The following HCN1 variants were observed in gnomAD, a reference collection of about 807,000 sequenced individuals.
HCN1 encodes the protein hyperpolarization activated cyclic nucleotide gated potassium channel 1.
In HCN1, 13 loss-of-function variants were observed where a neutral mutation model predicts 78.9. The ratio of observed to expected loss-of-function variants is 0.16; its 90% confidence interval spans 0.11 to 0.26. The LOEUF (loss-of-function observed/expected upper bound fraction) is 0.26. Ranked by LOEUF, HCN1 falls within the 10% of genes least tolerant of loss-of-function variation. The pLI, the probability that HCN1 is intolerant of heterozygous loss-of-function variation, is 1.00. For synonymous variants in HCN1, 552 were observed against 455.5 expected (o/e 1.21, Z -2.70); for missense variants, 810 against 1,154.3 (o/e 0.70, Z 4.32).
chr5:45,576,534 C>T (rs1454230818), intron 2 of HCN1: 1 of 152,074 alleles, frequency 6.6e-6, no homozygotes, highest in Non-Finnish European at 1.5e-5. Context: ...ACAGCAACCA[C>T]CCTTCTGGTC....
chr5:45,372,605 A>C (rs986069360), intron 4 of HCN1, among the ~76,000 whole-genome samples: 5 of 122,702 alleles, frequency 4.1e-5, no homozygotes, highest in Admixed American at 9.0e-5. Flanking sequence ...AAAAATATAT[A>C]AAACATTTTA....
intron 2 of HCN1, chr5:45,644,468 A>G (rs1745508184): frequency 6.6e-6 from 1 of 152,188 alleles, no homozygotes; most frequent in South Asian, 2.1e-4. Context: ...CTCAGGTCCC[A>G]CCCACTGCCT....
At chr5:45,339,335 G>T (rs1746527882) in intron 5 of HCN1, among the ~76,000 whole-genome samples, 1 of 152,120 alleles carries the variant, frequency 6.6e-6, no homozygotes, top group Admixed American at 6.5e-5. Context: ...ATGAGGTTAG[G>T]TAACTTATAA....
chr5:45,333,057 A>C (rs1746378588), intron 5 of HCN1, among the ~76,000 whole-genome samples: 1 of 151,740 alleles, frequency 6.6e-6, no homozygotes, highest in African/African-American at 2.4e-5. Context: ...TTTTTGAGGA[A>C]GCTCCAAACT....
intron 2 of HCN1, among the ~76,000 whole-genome samples, chr5:45,635,209 A>T (rs1165465441): frequency 6.6e-6 from 1 of 152,038 alleles, no homozygotes; most frequent in South Asian, 2.1e-4. Context: ...TTCACAAAGC[A>T]CTTTCATATG....
intron 2 of HCN1, among the ~76,000 whole-genome samples, chr5:45,501,475 C>T (rs1015117968): frequency 2.0e-5 from 3 of 151,820 alleles, no homozygotes; most frequent in African/African-American, 7.3e-5. Flanking sequence ...GCTCTTGTCG[C>T]CCAGGCTGGA....
At chr5:45,589,936 T>C (rs1316356114) in intron 2 of HCN1, among the ~76,000 whole-genome samples, 1 of 152,198 alleles carries the variant, frequency 6.6e-6, no homozygotes, top group East Asian at 1.9e-4. Flanking sequence ...GCAGCTTCCT[T>C]ATCCTTGACA....
chr5:45,422,269 C>T (rs542294883), intron 3 of HCN1, among the ~76,000 whole-genome samples: 5 of 152,194 alleles, frequency 3.3e-5, no homozygotes, highest in Admixed American at 6.5e-5. Flanking sequence ...TACAGGTATG[C>T]GGTTTTCCCT....
intron 2 of HCN1, among the ~76,000 whole-genome samples, chr5:45,595,320 A>C (rs1426592475): frequency 6.6e-6 from 1 of 152,188 alleles, no homozygotes; most frequent in Non-Finnish European, 1.5e-5. Flanking sequence ...ATGCAAATTA[A>C]GAATTTGATG....
rs1744654202 is a variant in HCN1 at position 45,258,014 on chromosome 5, C to A, written c.*3907G>T. The A allele has an allele frequency of 6.6e-6, 1 of 151,386 alleles. No homozygotes were observed. The highest frequency in any genetic ancestry group is 1.5e-5 in the Non-Finnish European group (1 of 67,936). 9.4% of individuals were successfully genotyped at this position (151,386 alleles called of 1,614,324 possible). ...GTTTGCTAGTTGTAGTGCATATGAA[C>A]AAAATAACCACATGGGTTTTATGGC... is the stretch of plus-strand genomic sequence containing the variant. On this transcript the variant is annotated 3_prime_UTR_variant, in exon 8 of 8. Transcript: ENST00000303230.
chr5:45,311,659 A>T (rs912859330), intron 5 of HCN1, among the ~76,000 whole-genome samples: 1 of 152,234 alleles, frequency 6.6e-6, no homozygotes, highest in East Asian at 1.9e-4. Context: ...TAAAAGGAAC[A>T]GTTCGATATA....
intron 2 of HCN1, among the ~76,000 whole-genome samples, chr5:45,486,214 C>T (rs545392436): frequency 1.3e-5 from 2 of 152,182 alleles, no homozygotes; most frequent in South Asian, 4.1e-4. Flanking sequence ...TTATGTCATC[C>T]AGAATGTCTG....
chr5:45,389,045 T>G (rs1430931064), intron 4 of HCN1, among the ~76,000 whole-genome samples: 1 of 152,096 alleles, frequency 6.6e-6, no homozygotes, highest in Non-Finnish European at 1.5e-5. Context: ...ATCTCATCAC[T>G]CTTCCATTTC....
chr5:45,402,418 T>A (rs1025907170), intron 3 of HCN1, among the ~76,000 whole-genome samples: 1 of 152,082 alleles, frequency 6.6e-6, no homozygotes, highest in Non-Finnish European at 1.5e-5. Flanking sequence ...TATTAATATC[T>A]AAAGGGTAGA....
Position 45,529,559 on chromosome 5 carries a change from G to GA in HCN1, c.850-67553dup, listed in dbSNP as rs1224348200. 2.6e-5 allele frequency among the ~76,000 whole-genome samples: 4 copies of GA among 151,932 alleles called. No homozygotes were observed. In the East Asian group the frequency reaches 7.8e-4, roughly 29 times the overall value. Reference sequence around the variant, plus strand: ...GCGTTAGAAATTAATGATGACTCTGGAAAAATCTAGAAATCAGGAGTGTGT... The same window carrying GA: ...GCGTTAGAAATTAATGATGACTCTGGAAAAAATCTAGAAATCAGGAGTGTGT... On this transcript the variant is annotated intron_variant, in intron 2 of 7. Coordinates refer to ENST00000303230, the MANE Select transcript of HCN1 (RefSeq NM_021072.4).
intron 6 of HCN1, among the ~76,000 whole-genome samples, chr5:45,293,941 T>C (rs1220338059): frequency 2.0e-5 from 3 of 151,890 alleles, no homozygotes; most frequent in African/African-American, 7.2e-5. Flanking sequence ...CCTAAGAGGA[T>C]AACGAATGAG....
chr5:45,315,059 C>T lies in HCN1; in HGVS notation c.1378-11220G>A, dbSNP rs138178193. Among the ~76,000 whole-genome samples the T allele has an allele frequency of 3.1e-3, 472 of 152,208 alleles. 5 individuals carry two copies. The highest frequency in any genetic ancestry group is 0.011 in the African/African-American group (447 of 41,544). On this transcript the variant is annotated intron_variant, in intron 5 of 7. Transcript: ENST00000303230. ...GAATTGAACTCAGCTCTGCACCAAG[C>T]GGACCTAATAGACATCTACAGAACT...
At chr5:45,277,970 A>G (rs1745097975) in intron 6 of HCN1, among the ~76,000 whole-genome samples, 1 of 152,144 alleles carries the variant, frequency 6.6e-6, no homozygotes, top group African/African-American at 2.4e-5. Flanking sequence ...GGACAATCTC[A>G]CTTGCCATAA....
intron 2 of HCN1, among the ~76,000 whole-genome samples, chr5:45,483,195 A>G (rs1741690623): frequency 6.6e-6 from 1 of 152,160 alleles, no homozygotes; most frequent in Admixed American, 6.6e-5. Flanking sequence ...ATTGCTTTCC[A>G]CAGTGGCTGG....
Sources: gnomAD v4.1 joint callset for allele counts (sites outside exome capture counted in the v4.1 genomes callset) on GRCh38, gnomAD v4.1.1 for gene constraint, MANE v1.5 for transcripts, NCBI Gene and HGNC (gene_info 2026-07-23, HGNC 2026-07-21) for gene names.